PTDSS1: variants seen among roughly 807,000 people sequenced by gnomAD.
PTDSS1 encodes phosphatidylserine synthase 1, also known as PSS-1.
Under a neutral mutation model 70.5 loss-of-function variants are expected in PTDSS1, and 45 were observed. The observed-to-expected ratio is 0.64, with a 90% CI of 0.50 to 0.82. The LOEUF is 0.82. PTDSS1 is among the 40% of genes least tolerant of loss of function. The pLI is 0.00. For missense variants in PTDSS1, 417 were observed against 586.1 expected (o/e 0.71, Z 2.98); for synonymous variants, 188 against 203.8 (o/e 0.92, Z 0.66).
chr8:96,291,688 T>C (rs1227476345), intron 4 of PTDSS1, among the ~76,000 whole-genome samples: 1 of 152,084 alleles, frequency 6.6e-6, no homozygotes, highest in African/African-American at 2.4e-5. Context: ...TTCTATAGGG[T>C]TTTTCACATC....
intron 4 of PTDSS1, among the ~76,000 whole-genome samples, chr8:96,288,356 ACT>A: frequency 6.6e-6 from 1 of 151,870 alleles, no homozygotes; most frequent in South Asian, 2.1e-4. Flanking sequence ...ACAGAGTCTC[ACT>A]CTGTTGCCTA....
At chr8:96,304,596 A>G (rs1020848136) in intron 7 of PTDSS1, among the ~76,000 whole-genome samples, 3 of 152,164 alleles carry the variant, frequency 2.0e-5, no homozygotes, top group African/African-American at 7.2e-5. Flanking sequence ...ACTTTGGTTA[A>G]TCTGTAGGGT....
chr8:96,277,106 G>T (rs1810659862), intron 2 of PTDSS1, among the ~76,000 whole-genome samples: 4 of 152,200 alleles, frequency 2.6e-5, no homozygotes, highest in Non-Finnish European at 5.9e-5. Flanking sequence ...AGTGTCCTGT[G>T]CAGGAGGGAT....
chr8:96,319,653 T>C (rs768992959), intron 9 of PTDSS1, among the ~76,000 whole-genome samples: 38 of 152,138 alleles, frequency 2.5e-4, no homozygotes, highest in Non-Finnish European at 3.5e-4. Flanking sequence ...TGAAAGACTC[T>C]CTTGGAAGGG....
chr8:96,278,972 C>CCTTT, intron 2 of PTDSS1, among the ~76,000 whole-genome samples: 1 of 122,632 alleles, frequency 8.2e-6, no homozygotes, highest in Non-Finnish European at 1.7e-5. Context: ...TTCAGCCCCC[C>CCTTT]TTTTTTTTTT....
intron 9 of PTDSS1, among the ~76,000 whole-genome samples, chr8:96,310,234 G>C (rs1276316281): frequency 4.1e-5 from 6 of 147,450 alleles, no homozygotes; most frequent in Non-Finnish European, 8.9e-5. Flanking sequence ...GCATGATCTC[G>C]GCTCACTGCA....
At chr8:96,268,024 G>T (rs911920529) in intron 1 of PTDSS1, among the ~76,000 whole-genome samples, 1 of 152,182 alleles carries the variant, frequency 6.6e-6, no homozygotes, top group Non-Finnish European at 1.5e-5. Flanking sequence ...TGTTATTATT[G>T]TATCTAACAT....
intron 4 of PTDSS1, among the ~76,000 whole-genome samples, chr8:96,293,758 G>A (rs1810938589): frequency 6.6e-6 from 1 of 152,226 alleles, no homozygotes; most frequent in Non-Finnish European, 1.5e-5. Flanking sequence ...TACTTTAAGA[G>A]CAGCCTTCTA....
chr8:96,311,662 C>T (rs1410759611), intron 9 of PTDSS1, among the ~76,000 whole-genome samples: 7 of 152,106 alleles, frequency 4.6e-5, no homozygotes, highest in Non-Finnish European at 1.0e-4. Flanking sequence ...GACTAAGGGC[C>T]ATTGTCATTT....
chr8:96,330,430 C>A, intron 11 of PTDSS1, 149 bp downstream of exon 11: 1 of 705,808 alleles, frequency 1.4e-6, no homozygotes. Flanking sequence ...CCGCATGTCA[C>A]AACTCATTCC....
intron 2 of PTDSS1, among the ~76,000 whole-genome samples, chr8:96,275,278 C>T (rs1345952136): frequency 1.3e-5 from 2 of 152,176 alleles, no homozygotes; most frequent in Admixed American, 1.3e-4. Flanking sequence ...GCCTCAGCCT[C>T]CTGAGCAGCT....
chr8:96,313,551 G>A (rs950849017), intron 9 of PTDSS1, among the ~76,000 whole-genome samples: 4 of 152,304 alleles, frequency 2.6e-5, no homozygotes, highest in East Asian at 1.9e-4. Context: ...GTGTTTTATC[G>A]CCTGGTCCTG....
intron 11 of PTDSS1, 180 bp from the exon 12 acceptor site, chr8:96,330,846 T>C (rs1291958866): frequency 1.9e-5 from 11 of 578,754 alleles, no homozygotes; most frequent in Non-Finnish European, 2.5e-5. Context: ...CTGCATCACC[T>C]GTGAGAGGAA....
At chr8:96,306,342 G>C in intron 7 of PTDSS1, 102 bp from the exon 8 acceptor site, 2 of 881,316 alleles carry the variant, frequency 2.3e-6, no homozygotes, top group Non-Finnish European at 1.9e-6. Context: ...AAAATGCTTT[G>C]AACATACCAA....
chr8:96,325,998 G>C (rs532771033), intron 10 of PTDSS1, among the ~76,000 whole-genome samples: 2 of 152,028 alleles, frequency 1.3e-5, no homozygotes, highest in East Asian at 1.9e-4. Context: ...AAGGAAGAAG[G>C]CTCCCCACCA....
chr8:96,286,940 A>G lies in PTDSS1; in HGVS notation c.317-82A>G. 5.2e-6 allele frequency: 8 copies of G among 1,539,082 alleles called. No individual in the cohort carries two copies. In the South Asian group the frequency reaches 9.4e-5, roughly 18 times the overall value. ...GCAATCTTAGTGTCTGGTTTTGGCAATGCCATTCGAGTCTAATGTGTATTG... is the reference window on the plus strand; with the variant it reads ...GCAATCTTAGTGTCTGGTTTTGGCAGTGCCATTCGAGTCTAATGTGTATTG... On this transcript the variant is annotated intron_variant, in intron 3 of 12. Coordinates refer to ENST00000517309, the MANE Select transcript of PTDSS1 (RefSeq NM_014754.3).
chr8:96,298,563 C>G (rs187952733), intron 5 of PTDSS1, among the ~76,000 whole-genome samples: 451 of 152,286 alleles, frequency 3.0e-3, no homozygotes, highest in African/African-American at 0.01. Flanking sequence ...ATGCCCGCAT[C>G]TTCATCTCCA....
At chr8:96,285,101 A>G (rs577215062) in intron 3 of PTDSS1, among the ~76,000 whole-genome samples, 2 of 152,244 alleles carry the variant, frequency 1.3e-5, no homozygotes, top group Non-Finnish European at 2.9e-5. Context: ...ATCTGGAGTT[A>G]GTAGGAAGCT....
chr8:96,286,958 G>A (rs964294030), intron 3 of PTDSS1, 64 bp from the exon 4 acceptor site: 19 of 1,591,194 alleles, frequency 1.2e-5, no homozygotes, highest in Non-Finnish European at 1.5e-5. Context: ...CGAGTCTAAT[G>A]TGTATTGTGT....
Sources: gnomAD v4.1 joint callset for allele counts (sites outside exome capture counted in the v4.1 genomes callset) on GRCh38, gnomAD v4.1.1 for gene constraint, MANE v1.5 for transcripts, NCBI Gene and HGNC (gene_info 2026-07-23, HGNC 2026-07-21) for gene names.